Variants in FILIP1L observed in about 807,000 individuals in gnomAD.
FILIP1L encodes filamin A-interacting protein 1-like.
Under a neutral mutation model 96.6 loss-of-function variants are expected in FILIP1L, and 55 were observed. The observed-to-expected ratio is 0.57, with a 90% CI of 0.46 to 0.71. The LOEUF (loss-of-function observed/expected upper bound fraction) is 0.71, where lower values mean the gene tolerates loss of function less well. FILIP1L is among the 30% of genes least tolerant of loss of function. The probability of loss-of-function intolerance (pLI) is 0.00; values close to 1 mark genes in which losing one functional copy is unlikely to be tolerated. For synonymous variants in FILIP1L, 467 were observed against 473.9 expected (o/e 0.99, Z 0.19); for missense variants, 1,304 against 1,321.2 (o/e 0.99, Z 0.20).
chr3:100,002,620 T>C (rs531159097), intron 1 of FILIP1L, among the ~76,000 whole-genome samples: 1 of 152,344 alleles, frequency 6.6e-6, no homozygotes, highest in Admixed American at 6.5e-5. Flanking sequence ...TGCATATCTG[T>C]CCATCATATG....
chr3:99,942,804 C>T (rs1217045397), intron 1 of FILIP1L, among the ~76,000 whole-genome samples: 1 of 151,076 alleles, frequency 6.6e-6, no homozygotes, highest in Non-Finnish European at 1.5e-5. Flanking sequence ...ACTCTAGCCT[C>T]GGCGACAGAG....
chr3:99,834,186 C>T (rs1006048213), intron 5 of FILIP1L, among the ~76,000 whole-genome samples: 3 of 152,168 alleles, frequency 2.0e-5, no homozygotes, highest in African/African-American at 4.8e-5. Flanking sequence ...GAAACTTTAT[C>T]ACTACAAGTT....
chr3:100,074,416 A>G (rs1298420666), intron 1 of FILIP1L, among the ~76,000 whole-genome samples: 3 of 152,140 alleles, frequency 2.0e-5, no homozygotes, highest in Non-Finnish European at 4.4e-5. Context: ...TCTGTTTTCC[A>G]GAGGCCTTTT....
At chr3:99,891,691 A>G (rs1559677942) in intron 4 of FILIP1L, among the ~76,000 whole-genome samples, 1 of 152,200 alleles carries the variant, frequency 6.6e-6, no homozygotes, top group Non-Finnish European at 1.5e-5. Context: ...CCTGAAAACT[A>G]TGTCTAAAAG....
At chr3:100,041,938 C>T (rs1255846691) in intron 1 of FILIP1L, among the ~76,000 whole-genome samples, 7 of 152,152 alleles carry the variant, frequency 4.6e-5, no homozygotes, top group African/African-American at 1.4e-4. Flanking sequence ...ACAGGCTGCA[C>T]CTCAGGAACA....
At chr3:100,098,187 T>C (rs1407969485) in intron 1 of FILIP1L, among the ~76,000 whole-genome samples, 1 of 152,232 alleles carries the variant, frequency 6.6e-6, no homozygotes, top group Non-Finnish European at 1.5e-5. Context: ...CCCTCACCAG[T>C]TAGCAGATTC....
intron 1 of FILIP1L, among the ~76,000 whole-genome samples, chr3:99,993,767 A>G (rs1284627701): frequency 5.3e-5 from 8 of 152,140 alleles, no homozygotes; most frequent in Non-Finnish European, 1.2e-4. Flanking sequence ...TTGATGTGAC[A>G]TATCATGTTT....
chr3:100,072,328 G>A (rs2065776737), intron 1 of FILIP1L, among the ~76,000 whole-genome samples: 1 of 152,184 alleles, frequency 6.6e-6, no homozygotes, highest in Non-Finnish European at 1.5e-5. Flanking sequence ...AGTTCATTCT[G>A]TGCATTTCCA....
At chr3:100,109,508 A>G (rs556081811) in intron 1 of FILIP1L, among the ~76,000 whole-genome samples, 1 of 152,278 alleles carries the variant, frequency 6.6e-6, no homozygotes, top group East Asian at 1.9e-4. Flanking sequence ...GCTGTTGGCA[A>G]CCACTGATGT....
intron 1 of FILIP1L, among the ~76,000 whole-genome samples, chr3:100,038,023 C>T (rs1559735259): frequency 6.7e-6 from 1 of 149,606 alleles, no homozygotes; most frequent in Non-Finnish European, 1.5e-5. Context: ...GGCACAATCT[C>T]GGCTCACTGC....
intron 1 of FILIP1L, among the ~76,000 whole-genome samples, chr3:100,074,603 A>G (rs1287078781): frequency 6.7e-6 from 1 of 149,674 alleles, no homozygotes; most frequent in Non-Finnish European, 1.5e-5. Flanking sequence ...TGCTTGAGAA[A>G]TACATCTTTC....
intron 4 of FILIP1L, among the ~76,000 whole-genome samples, chr3:99,904,580 T>G (rs1185294820): frequency 1.3e-5 from 2 of 152,362 alleles, no homozygotes; most frequent in East Asian, 3.9e-4. Context: ...ATAGTAAGCC[T>G]TGAGGTTTCC....
intron 1 of FILIP1L, among the ~76,000 whole-genome samples, chr3:100,100,483 C>T (rs1482685616): frequency 6.6e-6 from 1 of 152,112 alleles, no homozygotes; most frequent in Non-Finnish European, 1.5e-5. Flanking sequence ...TAAGATTACA[C>T]AGCAAGTCCA....
At chr3:100,088,350 G>A (rs1185557679) in intron 1 of FILIP1L, among the ~76,000 whole-genome samples, 6 of 152,088 alleles carry the variant, frequency 3.9e-5, no homozygotes, top group African/African-American at 1.2e-4. Flanking sequence ...ATGGAATACA[G>A]ATACCTAGAT....
At chr3:99,856,662 A>G (rs1943982032) in intron 4 of FILIP1L, among the ~76,000 whole-genome samples, 1 of 152,106 alleles carries the variant, frequency 6.6e-6, no homozygotes, top group Admixed American at 6.6e-5. Flanking sequence ...CCAGTTCCTT[A>G]TTTTTTCAAA....
At chr3:99,982,786 G>T (rs1223188011) in intron 1 of FILIP1L, among the ~76,000 whole-genome samples, 1 of 152,104 alleles carries the variant, frequency 6.6e-6, no homozygotes, top group Non-Finnish European at 1.5e-5. Flanking sequence ...TTTCAAAAAT[G>T]TGCTTATAAA....
intron 1 of FILIP1L, among the ~76,000 whole-genome samples, chr3:100,018,361 A>C (rs1429656812): frequency 1.3e-5 from 2 of 152,080 alleles, no homozygotes; most frequent in Non-Finnish European, 2.9e-5. Context: ...TGAAGCAAGC[A>C]GGATTAAAGT....
intron 3 of FILIP1L, among the ~76,000 whole-genome samples, chr3:99,929,579 T>C (rs904453097): frequency 6.6e-6 from 1 of 152,086 alleles, no homozygotes; most frequent in Non-Finnish European, 1.5e-5. Context: ...TGTTTGTGTG[T>C]GTATGTGCCT....
chr3:100,083,541 C>T (rs768341173), intron 1 of FILIP1L, among the ~76,000 whole-genome samples: 2 of 152,152 alleles, frequency 1.3e-5, no homozygotes, highest in Non-Finnish European at 2.9e-5. Context: ...GACATTTTCC[C>T]GTCTTGTCTC....
Sources: gnomAD v4.1 joint callset for allele counts (sites outside exome capture counted in the v4.1 genomes callset) on GRCh38, gnomAD v4.1.1 for gene constraint, MANE v1.5 for transcripts, NCBI Gene and HGNC (gene_info 2026-07-23, HGNC 2026-07-21) for gene names.